Variants in TNS1 observed in about 807,000 individuals in gnomAD.
TNS1 encodes the protein tensin 1.
TNS1 carries 62 observed loss-of-function variants against 168.6 expected under a neutral mutation model. The observed-to-expected ratio is 0.37, with a 90% CI of 0.30 to 0.45. The LOEUF is 0.45. TNS1 is among the 20% of genes least tolerant of loss of function. The probability of loss-of-function intolerance (pLI) is 1.00; values close to 1 mark genes in which losing one functional copy is unlikely to be tolerated. For synonymous variants in TNS1, 934 were observed against 933.2 expected, an observed-to-expected ratio of 1.00 and a Z score of -0.02; for missense variants, 2,240 against 2,339.4, an observed-to-expected ratio of 0.96 and a Z score of 0.88.
intron 5 of TNS1, 39 bp downstream of exon 5, chr2:217,907,171 G>A: frequency 1.4e-6 from 1 of 702,592 alleles, no homozygotes. Flanking sequence ...ACCTGCCCAG[G>A]CTGTTCCAGC....
At chr2:217,931,904 G>A (rs1956343727) in intron 3 of TNS1, among the ~76,000 whole-genome samples, 1 of 152,142 alleles carries the variant, frequency 6.6e-6, no homozygotes, top group East Asian at 1.9e-4. Flanking sequence ...ACTGTCCTAT[G>A]TGGTGGACAA....
intron 3 of TNS1, among the ~76,000 whole-genome samples, chr2:217,945,998 T>G (rs1957095901): frequency 6.6e-6 from 1 of 152,078 alleles, no homozygotes; most frequent in Admixed American, 6.5e-5. Context: ...TTCTCTTCCT[T>G]CCAACCCACA....
chr2:217,867,411 C>G (rs373509960), intron 18 of TNS1, among the ~76,000 whole-genome samples: 1 of 152,154 alleles, frequency 6.6e-6, no homozygotes, highest in African/African-American at 2.4e-5. Flanking sequence ...TTGGAAACAG[C>G]AAAAGATTGG....
intron 6 of TNS1, 83 bp from the exon 7 acceptor site, chr2:217,900,595 G>T: frequency 7.4e-7 from 1 of 1,359,632 alleles, no homozygotes; most frequent in South Asian, 1.3e-5. Context: ...GTCCACGGGG[G>T]CAAACATGAT....
intron 1 of TNS1, among the ~76,000 whole-genome samples, chr2:217,994,193 CAAG>C (rs1958427813): frequency 6.6e-6 from 1 of 152,122 alleles, no homozygotes; most frequent in Non-Finnish European, 1.5e-5. Flanking sequence ...CCCCATCCCA[CAAG>C]AAGGGGCAGG....
chr2:218,018,034 A>C (rs1293602303), intron 1 of TNS1, among the ~76,000 whole-genome samples: 1 of 152,202 alleles, frequency 6.6e-6, no homozygotes, highest in East Asian at 1.9e-4. Flanking sequence ...AGGCTAGAGG[A>C]GAGGTAGAAT....
rs561822541 is a variant in TNS1, at chr2:217,968,177, C to T, written c.186+10588G>A. 2.0e-5 allele frequency among the ~76,000 whole-genome samples: 3 copies of T among 152,340 alleles called. No homozygotes were observed. The South Asian group carries it at 6.2e-4, about 32-fold the overall frequency. Reference sequence around the variant, plus strand: ...ATGAAGGGCATCTGTGAAAAATCCACAGCTAATATCATGCTTAGTGGTGAA... The same window carrying T: ...ATGAAGGGCATCTGTGAAAAATCCATAGCTAATATCATGCTTAGTGGTGAA... On this transcript the variant is annotated intron_variant, in intron 3 of 32. Transcript: ENST00000682258.
chr2:218,025,619 C>A (rs1038250097), intron 1 of TNS1, among the ~76,000 whole-genome samples: 7 of 152,148 alleles, frequency 4.6e-5, no homozygotes, highest in Non-Finnish European at 1.0e-4. Context: ...CTTGTCCCTG[C>A]CATTGGCAGA....
intron 3 of TNS1, among the ~76,000 whole-genome samples, chr2:217,943,365 G>C (rs1957009399): frequency 6.6e-6 from 1 of 152,164 alleles, no homozygotes; most frequent in African/African-American, 2.4e-5. Context: ...GAAGAAAGGT[G>C]CCCTCACAGC....
At chr2:217,863,571 C>T (rs565454091) in intron 18 of TNS1, among the ~76,000 whole-genome samples, 12 of 152,182 alleles carry the variant, frequency 7.9e-5, no homozygotes, top group South Asian at 2.1e-4. Flanking sequence ...GACCGATCTC[C>T]GAACTAAGAC....
intron 2 of TNS1, among the ~76,000 whole-genome samples, chr2:217,980,289 C>T (rs955464411): frequency 6.6e-5 from 10 of 152,110 alleles, no homozygotes; most frequent in Non-Finnish European, 8.8e-5. Context: ...GCCACACAAG[C>T]GTTACCCATC....
At chr2:217,934,258 G>A (rs1055166077) in intron 3 of TNS1, among the ~76,000 whole-genome samples, 2 of 152,172 alleles carry the variant, frequency 1.3e-5, no homozygotes, top group Non-Finnish European at 2.9e-5. Context: ...TGAAGGCATA[G>A]GTGATGGGAG....
At chr2:217,900,378 G>C in intron 7 of TNS1, 85 bp downstream of exon 7, 1 of 1,457,662 alleles carries the variant, frequency 6.9e-7, no homozygotes, top group Non-Finnish European at 9.3e-7. Flanking sequence ...CAGTCCGGGG[G>C]ACCCAGAGGC....
At chr2:217,820,939 A>G (rs1412744722) in intron 23 of TNS1, among the ~76,000 whole-genome samples, 1 of 150,996 alleles carries the variant, frequency 6.6e-6, no homozygotes, top group Non-Finnish European at 1.5e-5. Context: ...TCAGCCTCAC[A>G]CTCCCAACAT....
At chr2:217,815,476 G>A (rs1215215537) in intron 24 of TNS1, 3 of 157,402 alleles carry the variant, frequency 1.9e-5, no homozygotes, top group African/African-American at 7.2e-5. Context: ...GCAGCCCCAG[G>A]AAACTGACAT....
At chr2:217,829,916 G>A in intron 22 of TNS1, 8 of 1,612,268 alleles carry the variant, frequency 5.0e-6, no homozygotes, top group Non-Finnish European at 6.8e-6. Context: ...TGGGAGGAAG[G>A]AGAGGCAGGA....
At chr2:217,922,089 A>G (rs763936683) in intron 3 of TNS1, among the ~76,000 whole-genome samples, 1 of 152,166 alleles carries the variant, frequency 6.6e-6, no homozygotes, top group Non-Finnish European at 1.5e-5. Context: ...GCACGGGGCT[A>G]TGAGTGATTG....
chr2:217,890,975 G>C lies in TNS1; in HGVS notation c.853C>G (p.Pro285Ala). The stretch of plus-strand genomic sequence containing the variant: ...CCAGAGACCCACCTTCTTTGGGATG[G>C]CTGGCCAATGGGCACAATCTTATCC... ...YEDKIVPIGQ[P>A]SQRRYVHYFS... The change falls in exon 12 of 33, where the codon CCA becomes GCA. Residue 285 changes from proline (P) to alanine (A), a missense_variant. This residue lies in a region of TNS1 where 2,131 missense variants were observed against 2,171.2 expected (regional missense o/e 0.98). Coordinates refer to ENST00000682258, the MANE Select transcript of TNS1 (RefSeq NM_001387777.1). The C allele has an allele frequency of 6.2e-7, 1 of 1,614,220 alleles. No homozygotes were observed. Among genetic ancestry groups the C allele is most frequent in the Non-Finnish European group, 8.5e-7 (1 of 1,180,028 alleles).
rs894621882 is a variant in TNS1, at chr2:217,849,908, C to T, written c.1430-821G>A. The T allele has an allele frequency of 4.1e-6, 4 of 985,298 alleles. No individual in the cohort carries two copies. In the African/African-American group the frequency reaches 5.2e-5, roughly 13 times the overall value. 61.0% of individuals were successfully genotyped at this position (985,298 alleles called of 1,614,324 possible). A position where few individuals can be genotyped will look rare whatever the true frequency, so the allele number is the denominator to read the frequency against. On this transcript the variant is annotated intron_variant, in intron 18 of 32. Coordinates refer to ENST00000682258, the MANE Select transcript of TNS1 (RefSeq NM_001387777.1). ...AGGCTGAAGGCAGAGCTGGGACTCT[C>T]TAAGACAAGCTTGCCCTCAGCTAGA...
Sources: gnomAD v4.1 joint callset for allele counts (sites outside exome capture counted in the v4.1 genomes callset) on GRCh38, gnomAD v4.1.1 for gene constraint, gnomAD v4.1.1 regional missense constraint, MANE v1.5 for transcripts, NCBI Gene and HGNC (gene_info 2026-07-23, HGNC 2026-07-21) for gene names.